DNAJC21: variants seen among roughly 807,000 people sequenced by gnomAD.
DNAJC21 encodes DnaJ heat shock protein family (Hsp40) member C21.
Under a neutral mutation model 72.4 loss-of-function variants are expected in DNAJC21, and 63 were observed. The observed-to-expected ratio is 0.87, with a 90% CI of 0.71 to 1.07. The LOEUF (loss-of-function observed/expected upper bound fraction) is 1.07. Ranked by LOEUF, DNAJC21 falls within the 50% of genes least tolerant of loss-of-function variation. The pLI is 0.00. For synonymous variants in DNAJC21, 203 were observed against 216.7 expected, an observed-to-expected ratio of 0.94 and a Z score of 0.56; for missense variants, 634 against 644.8, an observed-to-expected ratio of 0.98 and a Z score of 0.18.
chr5:34,945,955 T>C (rs1209492589), intron 9 of DNAJC21, 152 bp downstream of exon 9: 18 of 601,814 alleles, frequency 3.0e-5, no homozygotes, highest in Non-Finnish European at 4.6e-5. Context: ...AGAAATATTT[T>C]CCTTTTTTAG....
intron 10 of DNAJC21, chr5:34,952,322 C>T (rs2112103048): frequency 1.2e-6 from 1 of 857,120 alleles, no homozygotes; most frequent in African/African-American, 1.8e-5. Context: ...GCCTTTTATG[C>T]CATTGTGTCC....
chr5:34,951,969 A>G (rs1765382477), intron 10 of DNAJC21: 2 of 985,530 alleles, frequency 2.0e-6, no homozygotes, highest in Non-Finnish European at 2.4e-6. Flanking sequence ...CAGCTGCAGA[A>G]TGGCAGAGCT....
rs1765542763 is a variant in DNAJC21 at position 34,956,514 on chromosome 5, T to A, written c.*1800T>A. 4 of 152,208 alleles carry A rather than the reference T, an allele frequency of 2.6e-5. No individual in the cohort carries two copies. The allele number at this position is 152,208 out of a possible 1,614,324, so 9.4% of individuals were successfully genotyped here. Reference sequence around the variant, plus strand: ...CTGAATGTGCTCTGCCGCCTTCTTATCTGAACTAGATGAATTGGCCATAAT... The same window carrying A: ...CTGAATGTGCTCTGCCGCCTTCTTAACTGAACTAGATGAATTGGCCATAAT... On this transcript the variant is annotated 3_prime_UTR_variant, in exon 12 of 12. Coordinates refer to ENST00000648817, the MANE Select transcript of DNAJC21 (RefSeq NM_001012339.3).
intron 5 of DNAJC21, 114 bp from the exon 6 acceptor site, chr5:34,938,744 C>T (rs989044565): frequency 1.3e-5 from 15 of 1,150,866 alleles, no homozygotes; most frequent in Middle Eastern, 2.2e-4. Context: ...AGTTTGTAAG[C>T]GTGGATAGGT....
chr5:34,931,186 A>T (rs576204360), intron 1 of DNAJC21, among the ~76,000 whole-genome samples: 1 of 152,280 alleles, frequency 6.6e-6, no homozygotes, highest in African/African-American at 2.4e-5. Flanking sequence ...ATGGTGATGG[A>T]GTGAGAGATA....
intron 4 of DNAJC21, among the ~76,000 whole-genome samples, chr5:34,936,758 TA>T (rs199889917): frequency 1.9e-3 from 282 of 152,296 alleles, no homozygotes; most frequent in African/African-American, 6.4e-3. Flanking sequence ...TTTATTTGTT[TA>T]TTTTTTTTGA....
At chr5:34,950,896 A>C (rs1023246002) in intron 10 of DNAJC21, 6 of 985,396 alleles carry the variant, frequency 6.1e-6, no homozygotes. Flanking sequence ...CTCTTGTCTG[A>C]CTTTCTTTTC....
chr5:34,937,905 C>T (rs1430351277), intron 5 of DNAJC21, among the ~76,000 whole-genome samples: 1 of 152,112 alleles, frequency 6.6e-6, no homozygotes, highest in Non-Finnish European at 1.5e-5. Context: ...AGTGATTCTC[C>T]TGTCTCAGCC....
chr5:34,949,722 C>G (rs745351688), intron 9 of DNAJC21: 2 of 1,608,730 alleles, frequency 1.2e-6, no homozygotes, highest in East Asian at 4.5e-5. Flanking sequence ...TTTATAATGC[C>G]TGTTTGTTGT....
rs1347390193 is a variant in DNAJC21 at position 34,951,942 on chromosome 5, T to A, written c.1358+1600T>A. ...TGATGTGAGGAAAGGATTCAGAGAA[T>A]TCAAGTGACTTCTTCACAGCTGCAG... On this transcript the variant is annotated intron_variant, in intron 10 of 11. Transcript: ENST00000648817. 3 of 985,370 alleles carry A rather than the reference T, an allele frequency of 3.0e-6. No individual in the cohort carries two copies. In the Admixed American group the frequency reaches 1.8e-4, roughly 61 times the overall value. The allele number at this position is 985,370 out of a possible 1,614,324, so 61.0% of individuals were successfully genotyped here.
intron 2 of DNAJC21, among the ~76,000 whole-genome samples, 154 bp from the exon 3 acceptor site, chr5:34,935,556 C>A (rs1764739420): frequency 6.6e-6 from 1 of 152,108 alleles, no homozygotes; most frequent in African/African-American, 2.4e-5. Flanking sequence ...ATTATGAACT[C>A]TTTTCATGTT....
intron 10 of DNAJC21, chr5:34,953,376 T>A (rs1765438957): frequency 6.6e-6 from 1 of 152,120 alleles, no homozygotes; most frequent in Admixed American, 6.6e-5. Flanking sequence ...ATTCCCCTGC[T>A]CCTCCTCCTA....
Position 34,937,541 on chromosome 5 carries a change from G to C in DNAJC21, c.654G>C (p.Gln218His). ...AFIRKRDKRV[Q>H]AHRKLVEEQN... The stretch of plus-strand genomic sequence containing the variant: ...TTCGTAAAAGAGATAAAAGAGTGCA[G>C]GCGCATCGAAAACTTGTGGAAGAAC... The change falls in exon 5 of 12, where the codon CAG (glutamine) becomes CAC (histidine). Residue 218 changes from glutamine (Q) to histidine (H), a missense_variant. Physicochemically the swap from Gln to His is conservative, Grantham distance 24. Coordinates refer to ENST00000648817, the MANE Select transcript of DNAJC21 (RefSeq NM_001012339.3). 1 of 1,614,042 alleles carries C rather than the reference G, an allele frequency of 6.2e-7. No homozygotes were observed. The highest frequency in any genetic ancestry group is 2.2e-5 in the East Asian group (1 of 44,888).
chr5:34,933,960 A>T (rs1237448129), intron 2 of DNAJC21, 52 bp downstream of exon 2: 1 of 1,542,684 alleles, frequency 6.5e-7, no homozygotes, highest in Admixed American at 1.8e-5. Flanking sequence ...GGGAGCAGTT[A>T]TCAATATAGG....
chr5:34,943,672 T>G (rs894106172), intron 7 of DNAJC21, among the ~76,000 whole-genome samples: 1 of 152,232 alleles, frequency 6.6e-6, no homozygotes, highest in Non-Finnish European at 1.5e-5. Flanking sequence ...GGTTTTAGCT[T>G]GCGTCAGTCT....
chr5:34,951,278 A>G (rs779084278), intron 10 of DNAJC21: 170 of 985,298 alleles, frequency 1.7e-4, no homozygotes, highest in Non-Finnish European at 2.0e-4. Flanking sequence ...TCACTCTGAC[A>G]CCAGGTGTTT....
intron 10 of DNAJC21, chr5:34,950,701 G>A: frequency 1.0e-6 from 1 of 995,134 alleles, no homozygotes. Context: ...GTGTCACTAA[G>A]CAAATCTCCA....
intron 1 of DNAJC21, among the ~76,000 whole-genome samples, chr5:34,930,608 G>A (rs1764558434): frequency 6.6e-6 from 1 of 152,156 alleles, no homozygotes; most frequent in South Asian, 2.1e-4. Flanking sequence ...TGTAATCCAG[G>A]CCTGTGTGAC....
rs1765510355 is a variant in DNAJC21 at position 34,955,662 on chromosome 5, T to C, written c.*948T>C. Reference sequence around the variant, plus strand: ...GATGAATATTAACACAAAGGAAATATGGAGAACTGTTATAACTGAGTGTTA... The same window carrying C: ...GATGAATATTAACACAAAGGAAATACGGAGAACTGTTATAACTGAGTGTTA... On this transcript the variant is annotated 3_prime_UTR_variant, in exon 12 of 12. Transcript: ENST00000648817. 6.6e-6 allele frequency: 1 copy of C among 152,066 alleles called. No individual in the cohort carries two copies. The highest frequency in any genetic ancestry group is 2.1e-4 in the South Asian group (1 of 4,826). 9.4% of individuals were successfully genotyped at this position (152,066 alleles called of 1,614,324 possible).
Sources: gnomAD v4.1 joint callset for allele counts (sites outside exome capture counted in the v4.1 genomes callset) on GRCh38, gnomAD v4.1.1 for gene constraint, MANE v1.5 for transcripts, NCBI Gene and HGNC (gene_info 2026-07-23, HGNC 2026-07-21) for gene names.